The following FKBP14 variants were observed in gnomAD, a reference collection of about 807,000 sequenced individuals.
FKBP14 encodes peptidyl-prolyl cis-trans isomerase FKBP14.
A neutral mutation model predicts 21.6 loss-of-function variants in FKBP14; 20 were observed. The ratio of observed to expected loss-of-function variants is 0.92; its 90% CI spans 0.65 to 1.34. The LOEUF (loss-of-function observed/expected upper bound fraction) is 1.34, where lower values mean the gene tolerates loss of function less well. FKBP14 is among the 40% of genes most tolerant of loss of function. The pLI is 0.00. For missense variants in FKBP14, 253 were observed against 249.0 expected (o/e 1.02, Z -0.11); for synonymous variants, 79 against 86.7 (o/e 0.91, Z 0.49).
intron 1 of FKBP14, among the ~76,000 whole-genome samples, chr7:30,024,794 T>C (rs1006689588): frequency 6.6e-6 from 1 of 152,220 alleles, no homozygotes; most frequent in South Asian, 2.1e-4. Context: ...TATTAGAACT[T>C]AGTAGCAAAC....
chr7:30,009,528 C>T (rs1026756117), downstream of FKBP14, among the ~76,000 whole-genome samples: 4 of 152,060 alleles, frequency 2.6e-5, no homozygotes, highest in African/African-American at 7.2e-5. Flanking sequence ...CCACCACACT[C>T]GGCATATAAT....
In FKBP14 at chr7:30,026,410, C is replaced by T. The variant is rs746072392; in HGVS notation, c.99G>A (p.Gln33=). The T allele has an allele frequency of 1.2e-6, 2 of 1,614,074 alleles. No homozygotes were observed. Among genetic ancestry groups the T allele is most frequent in the African/African-American group, 1.3e-5 (1 of 74,922 alleles). ...TCTTGCGATGGCAGATGAATGGCTTCTGGAGAACTTCAATTTTCACTTCTG... is the reference window on the plus strand; with the variant it reads ...TCTTGCGATGGCAGATGAATGGCTTTTGGAGAACTTCAATTTTCACTTCTG... ...PEPEVKIEVL[Q]KPFICHRKTK... Residue 33 remains glutamine (Q), a synonymous_variant, in exon 1 of 4, where the codon CAG becomes CAA. Transcript: ENST00000222803.
intron 1 of FKBP14, among the ~76,000 whole-genome samples, chr7:30,024,480 A>C (rs966088721): frequency 6.6e-6 from 1 of 152,200 alleles, no homozygotes; most frequent in Non-Finnish European, 1.5e-5. Context: ...GGCTCACTGC[A>C]GCCTCCGCCT....
downstream of FKBP14, among the ~76,000 whole-genome samples, chr7:30,007,103 A>G (rs941947937): frequency 1.3e-5 from 2 of 151,966 alleles, no homozygotes; most frequent in African/African-American, 4.8e-5. Context: ...TCAACTTTAT[A>G]TTTCAATAGT....
chr7:30,023,219 C>T (rs1291758489), intron 1 of FKBP14, among the ~76,000 whole-genome samples: 1 of 152,172 alleles, frequency 6.6e-6, no homozygotes, highest in Non-Finnish European at 1.5e-5. Context: ...AGTCTTTAAA[C>T]CTAACTCCAA....
Position 30,014,833 on chromosome 7 carries a change from G to C in FKBP14, c.538C>G (p.His180Asp). Residue 180 changes from histidine to aspartate, a missense_variant, in exon 4 of 4, where the codon CAT becomes GAT. By Grantham distance (81) the His-to-Asp change is moderately conservative. Transcript: ENST00000222803. Reference protein sequence around the residue: ...KHGAVVNESHHDALVEDIFDK... With the variant: ...KHGAVVNESHDDALVEDIFDK... Reference sequence around the variant, plus strand: ...AAAATATCCTCCACCAAAGCATCATGATGACTTTCATTCACCACCGCACCA... The same window carrying C: ...AAAATATCCTCCACCAAAGCATCATCATGACTTTCATTCACCACCGCACCA... 6.2e-7 allele frequency: 1 copy of C among 1,611,494 alleles called. No homozygotes were observed. Among genetic ancestry groups the C allele is most frequent in the Non-Finnish European group, 8.5e-7 (1 of 1,179,226 alleles).
chr7:30,015,609 C>CT (rs56237269), intron 3 of FKBP14, among the ~76,000 whole-genome samples: 24,123 of 146,250 alleles, frequency 0.16, 2,091 homozygotes, highest in Middle Eastern at 0.22. Flanking sequence ...CATTTCTTTT[C>CT]TTTTTTTAGA....
chr7:30,016,962 G>T (rs1789901008), intron 3 of FKBP14, among the ~76,000 whole-genome samples: 1 of 152,032 alleles, frequency 6.6e-6, no homozygotes, highest in Non-Finnish European at 1.5e-5. Context: ...AAACTCTATG[G>T]ATTAATGTAG....
rs1789725053 is a variant in FKBP14, at chr7:30,011,503, CA to C, written c.*3231del. On this transcript the variant is annotated 3_prime_UTR_variant, in exon 4 of 4. Coordinates refer to ENST00000222803, the MANE Select transcript of FKBP14 (RefSeq NM_017946.4). ...AAGCTCCGTTAGTAAGTGCCCTATA[CA>C]GGTATACCATATATATATATATACA... 6.9e-6 allele frequency: 1 copy of C among 144,214 alleles called. No individual in the cohort carries two copies. The highest frequency in any genetic ancestry group is 1.5e-5 in the Non-Finnish European group (1 of 66,898). 8.9% of individuals were successfully genotyped at this position (144,214 alleles called of 1,614,324 possible). A position where few individuals can be genotyped will look rare whatever the true frequency, so the allele number is the denominator to read the frequency against.
intron 2 of FKBP14, among the ~76,000 whole-genome samples, chr7:30,021,976 A>G (rs1348963300): frequency 6.6e-6 from 1 of 152,206 alleles, no homozygotes; most frequent in Non-Finnish European, 1.5e-5. Context: ...CCAGCTAGCC[A>G]GCTTGCTTCT....
chr7:30,013,230 A>C lies in FKBP14; in HGVS notation c.*1505T>G, dbSNP rs990253525. 3 of 152,088 alleles carry C rather than the reference A, an allele frequency of 2.0e-5. No individual in the cohort carries two copies. Among genetic ancestry groups the C allele is most frequent in the Non-Finnish European group, 4.4e-5 (3 of 67,970 alleles). The allele number at this position is 152,088 out of a possible 1,614,324, so 9.4% of individuals were successfully genotyped here. ...AAAATCCAGGATAGGTATTTATTCA[A>C]TAGTAGCTGCTGTAGGTCTGCTTCT... On this transcript the variant is annotated 3_prime_UTR_variant, in exon 4 of 4. Coordinates refer to ENST00000222803, the MANE Select transcript of FKBP14 (RefSeq NM_017946.4).
At chr7:30,009,401 T>G (rs1421530896), downstream of FKBP14, among the ~76,000 whole-genome samples, 2 of 151,878 alleles carry the variant, frequency 1.3e-5, no homozygotes, top group Non-Finnish European at 2.9e-5. Context: ...CCTGGCTAAT[T>G]TTTGCATTTT....
chr7:30,017,368 A>T (rs1344052559), intron 3 of FKBP14, among the ~76,000 whole-genome samples: 4 of 152,090 alleles, frequency 2.6e-5, no homozygotes, highest in African/African-American at 9.7e-5. Context: ...CAGGAGCTTG[A>T]AACCATCCTG....
Position 30,022,767 on chromosome 7 carries a change from C to T in FKBP14, c.247G>A (p.Glu83Lys), listed in dbSNP as rs1264425307. The T allele has an allele frequency of 1.2e-6, 2 of 1,614,112 alleles. No individual in the cohort carries two copies. The highest frequency in any genetic ancestry group is 1.7e-5 in the Admixed American group (1 of 60,012). Residue 83 changes from glutamate (E) to lysine (K), a missense_variant, in exon 2 of 4, where the codon GAG (glutamate) becomes AAG (lysine). Glu to Lys is a moderately conservative substitution (Grantham distance 56, BLOSUM62 1). Coordinates refer to ENST00000222803, the MANE Select transcript of FKBP14 (RefSeq NM_017946.4). ...QPIWFTLGIL[E>K]ALKGWDQGLK... ...CCCTGGTCCCAACCTTTGAGAGCCT[C>T]CAGGATGCCCAGGGTAAACCAAATG...
chr7:30,014,190 G>C lies in FKBP14; in HGVS notation c.*545C>G, dbSNP rs1312499772. On this transcript the variant is annotated 3_prime_UTR_variant, in exon 4 of 4. Coordinates refer to ENST00000222803, the MANE Select transcript of FKBP14 (RefSeq NM_017946.4). ...TAACCTTGTTTCTAACTTCAGCATT[G>C]CACATCTCCTTAGTAAAGCAGTAGC... is the stretch of plus-strand genomic sequence containing the variant. 2 of 152,130 alleles carry C rather than the reference G, an allele frequency of 1.3e-5. No individual in the cohort carries two copies. The highest frequency in any genetic ancestry group is 4.8e-5 in the African/African-American group (2 of 41,418). 9.4% of individuals were successfully genotyped at this position (152,130 alleles called of 1,614,324 possible). A position where few individuals can be genotyped will look rare whatever the true frequency, so the allele number is the denominator to read the frequency against.
chr7:30,023,662 C>CT (rs1790094148), intron 1 of FKBP14, among the ~76,000 whole-genome samples: 1 of 152,182 alleles, frequency 6.6e-6, no homozygotes, highest in East Asian at 1.9e-4. Flanking sequence ...GTTTAATGGA[C>CT]TCGCGGTTCC....
rs3793247 is a variant in FKBP14 at position 30,014,063 on chromosome 7, G to A, written c.*672C>T. ...TTTTTAGTAGAGATAGGGTTTCTCC[G>A]TGTTGGTCAGGCTGGTCTCGAACTC... On this transcript the variant is annotated 3_prime_UTR_variant, in exon 4 of 4. Transcript: ENST00000222803. 27,338 of 151,832 alleles carry A rather than the reference G, an allele frequency of 0.18. 2,598 individuals carry two copies. The highest frequency in any genetic ancestry group is 0.24 in the African/African-American group (9,956 of 41,372). 9.4% of individuals were successfully genotyped at this position (151,832 alleles called of 1,614,324 possible).
chr7:30,026,254 C>A, intron 1 of FKBP14, 58 bp downstream of exon 1: 1 of 1,461,168 alleles, frequency 6.8e-7, no homozygotes, highest in Non-Finnish European at 9.3e-7. Flanking sequence ...TGCTGGAGAG[C>A]TGGCATAAGT....
In FKBP14 at chr7:30,026,482, G is replaced by A; in HGVS notation, c.27C>T (p.Val9=). The part of the protein sequence containing the change: MRLFLWNA[V]LTLFVTSLIG... ...TCAAAGAAGTGACGAACAGAGTCAA[G>A]ACCGCGTTCCACAAGAAAAGCCTCA... Residue 9 remains valine (V), a synonymous_variant, in exon 1 of 4, where the codon GTC becomes GTT. Coordinates refer to ENST00000222803, the MANE Select transcript of FKBP14 (RefSeq NM_017946.4). 1 of 1,612,678 alleles carries A rather than the reference G, an allele frequency of 6.2e-7. No individual in the cohort carries two copies.
Sources: gnomAD v4.1 joint callset for allele counts (sites outside exome capture counted in the v4.1 genomes callset) on GRCh38, gnomAD v4.1.1 for gene constraint, MANE v1.5 for transcripts, NCBI Gene and HGNC (gene_info 2026-07-23, HGNC 2026-07-21) for gene names.